Variants in FYTTD1 observed in about 807,000 individuals in gnomAD.
The protein encoded by FYTTD1 is UAP56-interacting factor.
Under a neutral mutation model 40.9 loss-of-function variants are expected in FYTTD1, and 22 were observed. That is an observed-to-expected ratio of 0.54 (90% CI 0.38 to 0.77). FYTTD1 has a LOEUF of 0.77. Among genes scored for constraint, FYTTD1 ranks in the 30% least tolerant of loss-of-function variants. FYTTD1 has a pLI of 0.00. For missense variants in FYTTD1, 351 were observed against 392.2 expected (o/e 0.90, Z 0.89); for synonymous variants, 140 against 137.9 (o/e 1.01, Z -0.10).
intron 3 of FYTTD1, among the ~76,000 whole-genome samples, chr3:197,769,292 T>C (rs1291050077): frequency 6.6e-6 from 1 of 152,164 alleles, no homozygotes; most frequent in Non-Finnish European, 1.5e-5. Flanking sequence ...TTCACCATGC[T>C]GGCCAGGCTG....
intron 2 of FYTTD1, among the ~76,000 whole-genome samples, chr3:197,758,143 T>G (rs1245042328): frequency 6.6e-6 from 1 of 152,212 alleles, no homozygotes; most frequent in Non-Finnish European, 1.5e-5. Context: ...CCTCAGGTGA[T>G]CCACCTGCCT....
Position 197,785,569 on chromosome 3 carries a change from A to C in FYTTD1, c.*3660A>C, listed in dbSNP as rs1356772894. Reference sequence around the variant, plus strand: ...TAGCTTTGTAATTCACACAAAGTATACGGGCCCAGCAGGCCTCATTGCTCA... The same window carrying C: ...TAGCTTTGTAATTCACACAAAGTATCCGGGCCCAGCAGGCCTCATTGCTCA... On this transcript the variant is annotated 3_prime_UTR_variant, in exon 9 of 9. Transcript: ENST00000241502. 1 of 151,856 alleles carries C rather than the reference A, an allele frequency of 6.6e-6. No individual in the cohort carries two copies. Among genetic ancestry groups the C allele is most frequent in the Admixed American group, 6.6e-5 (1 of 15,234 alleles). 9.4% of individuals were successfully genotyped at this position (151,856 alleles called of 1,614,324 possible). A position where few individuals can be genotyped will look rare whatever the true frequency, so the allele number is the denominator to read the frequency against.
intron 1 of FYTTD1, chr3:197,750,909 T>C (rs1729011147): frequency 3.2e-6 from 3 of 936,432 alleles, no homozygotes; most frequent in African/African-American, 1.8e-5. Context: ...GTGATTCCAT[T>C]AAAATCCAGC....
chr3:197,777,401 C>T (rs1412692471), intron 7 of FYTTD1, among the ~76,000 whole-genome samples: 3 of 152,032 alleles, frequency 2.0e-5, no homozygotes, highest in Admixed American at 6.6e-5. Flanking sequence ...GGAGCTGCAG[C>T]GACAGTTGCC....
chr3:197,776,854 AT>A (rs1560500552), intron 6 of FYTTD1, 72 bp from the exon 7 acceptor site: 2 of 1,003,874 alleles, frequency 2.0e-6, no homozygotes, highest in Admixed American at 2.1e-5. Flanking sequence ...TTTAATGTTC[AT>A]TTTTATTTTG....
rs1418860612 is a variant in FYTTD1, at chr3:197,782,315, T to G, written c.*406T>G. The G allele has an allele frequency of 6.5e-6, 1 of 153,206 alleles. No individual in the cohort carries two copies. Among genetic ancestry groups the G allele is most frequent in the East Asian group, 1.9e-4 (1 of 5,236 alleles). The allele number at this position is 153,206 out of a possible 1,614,324, so 9.5% of individuals were successfully genotyped here. On this transcript the variant is annotated 3_prime_UTR_variant, in exon 9 of 9. Transcript: ENST00000241502. ...CATAAACATGAGTAGGTCCCTTGGT[T>G]GCTGTCACTTGCCCTTTAATAGTGT...
chr3:197,763,471 A>G (rs1729451183), intron 2 of FYTTD1: 1 of 422,404 alleles, frequency 2.4e-6, no homozygotes, highest in Non-Finnish European at 4.6e-6. Context: ...CACAGACACA[A>G]AAACTTTGGA....
chr3:197,753,713 T>C (rs945456897), intron 1 of FYTTD1, among the ~76,000 whole-genome samples: 1 of 152,172 alleles, frequency 6.6e-6, no homozygotes, highest in African/African-American at 2.4e-5. Flanking sequence ...CTGCTACTTC[T>C]GATTTTTAGT....
Position 197,755,730 on chromosome 3 carries a change from C to T in FYTTD1, c.104-696C>T, listed in dbSNP as rs535729086. The stretch of plus-strand genomic sequence containing the variant: ...CCCGAACTCCTGACCTCAAATGATC[C>T]GCCCACCTCAGCCTCCCAAAGTGCT... On this transcript the variant is annotated intron_variant, in intron 1 of 8. Transcript: ENST00000241502. 1,431 of 1,392,842 alleles carry T rather than the reference C, an allele frequency of 1.0e-3. 10 individuals carry two copies. The African/African-American group carries it at 0.011, about 10-fold the overall frequency. The allele number at this position is 1,392,842 out of a possible 1,614,324, so 86.3% of individuals were successfully genotyped here.
intron 2 of FYTTD1, among the ~76,000 whole-genome samples, chr3:197,760,887 T>C (rs770447877): frequency 2.0e-5 from 3 of 148,616 alleles, no homozygotes; most frequent in Non-Finnish European, 4.4e-5. Flanking sequence ...AGTGGTAGAA[T>C]GTATAGAGTT....
In FYTTD1 at chr3:197,786,062, A is replaced by G. The variant is rs550713035; in HGVS notation, c.*4153A>G. The stretch of plus-strand genomic sequence containing the variant: ...AAATTGTAGACTTCTAATATCTTTT[A>G]TTTCCCTTCTCACCACAGTTTATTT... On this transcript the variant is annotated 3_prime_UTR_variant, in exon 9 of 9. Transcript: ENST00000241502. The G allele has an allele frequency of 6.9e-6, 1 of 145,508 alleles. No individual in the cohort carries two copies. Among genetic ancestry groups the G allele is most frequent in the African/African-American group, 2.5e-5 (1 of 39,404 alleles). The allele number at this position is 145,508 out of a possible 1,614,324, so 9.0% of individuals were successfully genotyped here. A position where few individuals can be genotyped will look rare whatever the true frequency, so the allele number is the denominator to read the frequency against.
At chr3:197,768,640 A>C (rs540116219) in intron 3 of FYTTD1, 53 bp downstream of exon 3, 17 of 1,469,502 alleles carry the variant, frequency 1.2e-5, no homozygotes, top group Middle Eastern at 1.8e-4. Context: ...TATTTGTACT[A>C]ACATTTCTGT....
chr3:197,763,459 C>G (rs1429977434), intron 2 of FYTTD1: 11 of 398,140 alleles, frequency 2.8e-5, no homozygotes, highest in Non-Finnish European at 4.9e-6. Context: ...GTAAATATAA[C>G]CCACAGACAC....
chr3:197,773,989 G>A (rs1454082775), intron 5 of FYTTD1, among the ~76,000 whole-genome samples, 160 bp from the exon 6 acceptor site: 2 of 148,670 alleles, frequency 1.3e-5, no homozygotes, highest in Non-Finnish European at 3.0e-5. Context: ...CTGCACTCAC[G>A]CACACGCCCC....
At chr3:197,773,905 C>T (rs980366093) in intron 5 of FYTTD1, among the ~76,000 whole-genome samples, 5 of 148,882 alleles carry the variant, frequency 3.4e-5, no homozygotes, top group African/African-American at 1.3e-4. Context: ...TCTAGAATAG[C>T]GCGGGCCCCT....
intron 6 of FYTTD1, among the ~76,000 whole-genome samples, chr3:197,776,673 A>C (rs755259270): frequency 3.9e-5 from 6 of 151,992 alleles, no homozygotes; most frequent in South Asian, 2.1e-4. Flanking sequence ...TTTTTATTAG[A>C]AGTTCTTTTG....
In FYTTD1 at chr3:197,774,133, T is replaced by C; in HGVS notation, c.595-16T>C. 1 of 1,611,276 alleles carries C rather than the reference T, an allele frequency of 6.2e-7. No individual in the cohort carries two copies. Among genetic ancestry groups the C allele is most frequent in the Non-Finnish European group, 8.5e-7 (1 of 1,177,564 alleles). On this transcript the variant is annotated splice_polypyrimidine_tract_variant and intron_variant, in intron 5 of 8. Transcript: ENST00000241502. The stretch of plus-strand genomic sequence containing the variant: ...TCTGCTTTCTGTGGTACCTACTGCT[T>C]TTTTTTTCCCTTCAGGTGCAGGCCC...
At position 197,750,594 on chromosome 3, in the gene FYTTD1, C is replaced by CG. The variant is rs1447939513; in HGVS notation, c.103+522dup. Reference sequence around the variant, plus strand: ...TCCCTGGTCGCCGGGCGTTCCAGGCCGGCGCCGGCCATGGCTGCCGGGCGC... The same window carrying CG: ...TCCCTGGTCGCCGGGCGTTCCAGGCCGGGCGCCGGCCATGGCTGCCGGGCGC... On this transcript the variant is annotated intron_variant, in intron 1 of 8. Transcript: ENST00000241502. The CG allele has an allele frequency of 5.1e-6, 5 of 984,092 alleles. No homozygotes were observed. The African/African-American group carries it at 8.8e-5, about 17-fold the overall frequency. The allele number at this position is 984,092 out of a possible 1,614,324, so 61.0% of individuals were successfully genotyped here.
At chr3:197,774,595 C>T (rs764503112) in intron 6 of FYTTD1, among the ~76,000 whole-genome samples, 11 of 151,620 alleles carry the variant, frequency 7.3e-5, no homozygotes, top group Admixed American at 4.6e-4. Context: ...AGCTCGATGA[C>T]CAGTGCACAC....
Sources: gnomAD v4.1 joint callset for allele counts (sites outside exome capture counted in the v4.1 genomes callset) on GRCh38, gnomAD v4.1.1 for gene constraint, MANE v1.5 for transcripts, NCBI Gene and HGNC (gene_info 2026-07-23, HGNC 2026-07-21) for gene names.